Variants in CSMD1 observed in about 807,000 individuals in gnomAD.
CSMD1 encodes the protein CUB and Sushi multiple domains 1.
CSMD1 carries 213 observed loss-of-function variants against 417.5 expected under a neutral mutation model. That is an observed-to-expected ratio of 0.51 (90% CI 0.46 to 0.57). CSMD1 has a LOEUF of 0.57. CSMD1 is among the 20% of genes least tolerant of loss of function. The pLI is 0.00. For synonymous variants in CSMD1, 2,862 were observed against 1,736.8 expected (o/e 1.65, Z -16.11); for missense variants, 6,923 against 4,529.7 (o/e 1.53, Z -15.17).
At chr8:4,621,467 A>G (rs1801774322) in intron 2 of CSMD1, among the ~76,000 whole-genome samples, 1 of 152,144 alleles carries the variant, frequency 6.6e-6, no homozygotes, top group Non-Finnish European at 1.5e-5. Flanking sequence ...TCAAGTGGAT[A>G]TCTTGAAAAA....
At chr8:4,127,175 G>C (rs909259412) in intron 3 of CSMD1, among the ~76,000 whole-genome samples, 1 of 152,000 alleles carries the variant, frequency 6.6e-6, no homozygotes, top group Non-Finnish European at 1.5e-5. Flanking sequence ...GATATTTAAA[G>C]TTCCTGCTAT....
chr8:4,186,165 C>T (rs768403923), intron 3 of CSMD1, among the ~76,000 whole-genome samples: 2 of 152,106 alleles, frequency 1.3e-5, no homozygotes, highest in South Asian at 4.1e-4. Context: ...ATATGAGAAG[C>T]AGTCAAGGTG....
intron 68 of CSMD1, among the ~76,000 whole-genome samples, chr8:2,944,755 G>C (rs970509291): frequency 6.6e-6 from 1 of 151,894 alleles, no homozygotes; most frequent in Non-Finnish European, 1.5e-5. Flanking sequence ...TTTCCATTAC[G>C]ATGCCAAACA....
chr8:4,730,169 G>C lies in CSMD1; in HGVS notation c.86-92611C>G, dbSNP rs548521714. On this transcript the variant is annotated intron_variant, in intron 1 of 69. Transcript: ENST00000635120. ...TCCCAGAATGCAAAGCATGGTCTCAGTGTGGAAAAAGAAAGGGATGGAAAA... is the reference window on the plus strand; with the variant it reads ...TCCCAGAATGCAAAGCATGGTCTCACTGTGGAAAAAGAAAGGGATGGAAAA... 2.6e-3 allele frequency among the ~76,000 whole-genome samples: 396 copies of C among 152,138 alleles called. 2 individuals carry two copies. The highest frequency in any genetic ancestry group is 8.6e-3 in the African/African-American group (356 of 41,508).
intron 7 of CSMD1, among the ~76,000 whole-genome samples, chr8:3,646,671 G>C (rs1180198037): frequency 1.3e-5 from 2 of 152,276 alleles, no homozygotes; most frequent in Non-Finnish European, 2.9e-5. Context: ...GCCAAGACTT[G>C]CATTGTTTCA....
intron 1 of CSMD1, among the ~76,000 whole-genome samples, chr8:4,688,817 C>G (rs562151803): frequency 1.3e-5 from 2 of 152,168 alleles, no homozygotes; most frequent in Non-Finnish European, 2.9e-5. Flanking sequence ...CTGTAAACAT[C>G]GCAAGTGGTC....
intron 4 of CSMD1, among the ~76,000 whole-genome samples, chr8:4,019,287 G>C (rs1044238226): frequency 1.3e-5 from 2 of 152,294 alleles, no homozygotes; most frequent in East Asian, 1.9e-4. Flanking sequence ...TTCAGGGCGA[G>C]AGAGCTTATC....
chr8:4,545,786 T>C (rs981752964), intron 2 of CSMD1, among the ~76,000 whole-genome samples: 2 of 152,186 alleles, frequency 1.3e-5, no homozygotes, highest in African/African-American at 4.8e-5. Flanking sequence ...TGCACCATGT[T>C]AAAATCCATT....
intron 3 of CSMD1, among the ~76,000 whole-genome samples, chr8:4,068,581 G>T (rs1477941636): frequency 6.6e-6 from 1 of 152,154 alleles, no homozygotes; most frequent in Non-Finnish European, 1.5e-5. Context: ...CTCAAATGAG[G>T]TGTTTGTAAT....
intron 5 of CSMD1, among the ~76,000 whole-genome samples, chr8:3,910,564 C>T (rs997608232): frequency 1.9e-4 from 29 of 152,110 alleles, no homozygotes; most frequent in African/African-American, 6.0e-4. Flanking sequence ...CTTGAGCAGA[C>T]AGTATTATGA....
chr8:4,452,557 T>A (rs1216585675), intron 2 of CSMD1, among the ~76,000 whole-genome samples: 4 of 152,204 alleles, frequency 2.6e-5, no homozygotes, highest in Non-Finnish European at 5.9e-5. Context: ...CTTTTTCCAA[T>A]CATTTTTATC....
At chr8:2,986,704 C>G (rs192317316) in intron 54 of CSMD1, among the ~76,000 whole-genome samples, 49 of 152,218 alleles carry the variant, frequency 3.2e-4, no homozygotes, top group Non-Finnish European at 5.4e-4. Context: ...CGGGTTTTCA[C>G]TCTGTTAGCC....
At chr8:3,384,393 T>C (rs1470124796) in intron 18 of CSMD1, among the ~76,000 whole-genome samples, 1 of 151,808 alleles carries the variant, frequency 6.6e-6, no homozygotes. Flanking sequence ...AATGGAATAA[T>C]TATATTATAA....
At chr8:3,957,909 G>A (rs1415529907) in intron 5 of CSMD1, among the ~76,000 whole-genome samples, 2 of 152,070 alleles carry the variant, frequency 1.3e-5, no homozygotes, top group African/African-American at 4.8e-5. Context: ...TCCTTTGTTT[G>A]GCTGGTGATC....
At chr8:4,931,387 T>C (rs1345163334) in intron 1 of CSMD1, among the ~76,000 whole-genome samples, 1 of 152,242 alleles carries the variant, frequency 6.6e-6, no homozygotes, top group Non-Finnish European at 1.5e-5. Flanking sequence ...TAGCTAATAC[T>C]TCCTGAGTGA....
intron 1 of CSMD1, among the ~76,000 whole-genome samples, chr8:4,888,378 G>C (rs560128862): frequency 6.6e-6 from 1 of 151,898 alleles, no homozygotes; most frequent in South Asian, 2.1e-4. Flanking sequence ...AAAATGAGGA[G>C]ATATATGTAT....
chr8:3,209,614 C>A (rs184934938), intron 30 of CSMD1, among the ~76,000 whole-genome samples: 1 of 152,086 alleles, frequency 6.6e-6, no homozygotes, highest in East Asian at 1.9e-4. Flanking sequence ...CCACTGCACT[C>A]GGCTATTTAA....
At chr8:4,174,646 G>A (rs79233595) in intron 3 of CSMD1, among the ~76,000 whole-genome samples, 2,779 of 141,860 alleles carry the variant, frequency 0.02, 107 homozygotes, top group African/African-American at 0.07. Context: ...TGGGAATGTA[G>A]GAATTATAGG....
chr8:4,108,111 G>C (rs1017290771), intron 3 of CSMD1, among the ~76,000 whole-genome samples: 5 of 151,740 alleles, frequency 3.3e-5, no homozygotes, highest in Admixed American at 6.6e-5. Context: ...AAAAGACGGA[G>C]GAGGAGGAGG....
Sources: gnomAD v4.1 joint callset for allele counts (sites outside exome capture counted in the v4.1 genomes callset) on GRCh38, gnomAD v4.1.1 for gene constraint, MANE v1.5 for transcripts, NCBI Gene and HGNC (gene_info 2026-07-23, HGNC 2026-07-21) for gene names.